AVL9: variants seen among roughly 807,000 people sequenced by gnomAD.
AVL9 encodes AVL9 cell migration associated.
A neutral mutation model predicts 79.2 loss-of-function variants in AVL9; 49 were observed. The ratio of observed to expected loss-of-function variants is 0.62; its 90% CI spans 0.49 to 0.79. AVL9 has a LOEUF of 0.79. Ranked by LOEUF, AVL9 falls within the 30% of genes least tolerant of loss-of-function variation. AVL9 has a pLI of 0.00. For synonymous variants in AVL9, 299 were observed against 280.6 expected (o/e 1.07, Z -0.65); for missense variants, 682 against 776.8 (o/e 0.88, Z 1.45).
intron 8 of AVL9, among the ~76,000 whole-genome samples, chr7:32,556,262 C>T (rs188274602): frequency 3.8e-4 from 58 of 152,274 alleles, no homozygotes; most frequent in South Asian, 6.2e-4. Flanking sequence ...CGCCTGTAAT[C>T]TCAGCACTTT....
intron 13 of AVL9, among the ~76,000 whole-genome samples, chr7:32,578,270 G>A (rs1201696204): frequency 6.6e-6 from 1 of 152,128 alleles, no homozygotes; most frequent in African/African-American, 2.4e-5. Flanking sequence ...CTTTAAAGGT[G>A]TCAGACACTC....
chr7:32,566,173 TA>T (rs983567330), intron 10 of AVL9, among the ~76,000 whole-genome samples: 10 of 70,894 alleles, frequency 1.4e-4, no homozygotes, highest in South Asian at 5.9e-4. Flanking sequence ...TTTTAATTAT[TA>T]TTATTATTTT....
chr7:32,525,574 C>T (rs537715691), intron 1 of AVL9, among the ~76,000 whole-genome samples: 1 of 152,016 alleles, frequency 6.6e-6, no homozygotes, highest in African/African-American at 2.4e-5. Flanking sequence ...TAGATTTCAC[C>T]CCTAACTTTT....
chr7:32,562,190 C>T (rs10807860), intron 10 of AVL9, among the ~76,000 whole-genome samples: 127,573 of 152,172 alleles, frequency 0.84, 53,531 homozygotes, highest in Middle Eastern at 0.88. Flanking sequence ...GTTTGCAGGG[C>T]TGCCATAAAC....
chr7:32,495,696 C>A lies in AVL9; in HGVS notation c.-14C>A. The stretch of plus-strand genomic sequence containing the variant: ...GGCGGTCGAAGTCGTCGTGCGGGCC[C>A]GCGGCGGCCGCCCATGGAGAAGGCC... On this transcript the variant is annotated 5_prime_UTR_variant, in exon 1 of 16. Coordinates refer to ENST00000318709, the MANE Select transcript of AVL9 (RefSeq NM_015060.3). 1.6e-6 allele frequency: 2 copies of A among 1,254,922 alleles called. No individual in the cohort carries two copies. Among genetic ancestry groups the A allele is most frequent in the Middle Eastern group, 2.4e-4 (1 of 4,192 alleles). The allele number at this position is 1,254,922 out of a possible 1,614,324, so 77.7% of individuals were successfully genotyped here.
intron 1 of AVL9, among the ~76,000 whole-genome samples, chr7:32,513,316 G>C (rs990603067): frequency 6.6e-6 from 1 of 152,108 alleles, no homozygotes; most frequent in Non-Finnish European, 1.5e-5. Context: ...GCCAGGTGGG[G>C]GTTGAACTTG....
intron 13 of AVL9, among the ~76,000 whole-genome samples, chr7:32,579,476 ATTATATATAATATATTACATATTATATAT>A (rs1219818197): frequency 0.072 from 746 of 10,326 alleles, 285 homozygotes; most frequent in East Asian, 0.16. Context: ...AATATATTAT[ATTATATATAATATATTACATATTATATAT>A]TATATATTAT....
chr7:32,521,184 TG>T (rs1201206684), intron 1 of AVL9, among the ~76,000 whole-genome samples: 1 of 151,754 alleles, frequency 6.6e-6, no homozygotes, highest in East Asian at 1.9e-4. Context: ...ACTGGTAGAG[TG>T]GGGCACTGCT....
At chr7:32,580,418 A>G in intron 14 of AVL9, 146 bp downstream of exon 14, 2 of 667,446 alleles carry the variant, frequency 3.0e-6, no homozygotes, top group South Asian at 3.8e-5. Flanking sequence ...TCTTTAGCTC[A>G]GCAGTGTGTA....
At chr7:32,569,797 T>G (rs1042525101) in intron 10 of AVL9, among the ~76,000 whole-genome samples, 1 of 152,220 alleles carries the variant, frequency 6.6e-6, no homozygotes, top group Non-Finnish European at 1.5e-5. Context: ...CTTGCCAAGA[T>G]TTGACCATTC....
chr7:32,569,140 A>G (rs1790712068), intron 10 of AVL9, among the ~76,000 whole-genome samples: 1 of 152,252 alleles, frequency 6.6e-6, no homozygotes, highest in Admixed American at 6.5e-5. Flanking sequence ...TCCAGATGAC[A>G]TAATTCTGTG....
chr7:32,495,707 C>G lies in AVL9; in HGVS notation c.-3C>G. ...TCGTCGTGCGGGCCCGCGGCGGCCG[C>G]CCATGGAGAAGGCCAGGAGAGGCGG... On this transcript the variant is annotated 5_prime_UTR_variant, in exon 1 of 16. Coordinates refer to ENST00000318709, the MANE Select transcript of AVL9 (RefSeq NM_015060.3). 8.0e-7 allele frequency: 1 copy of G among 1,256,616 alleles called. No individual in the cohort carries two copies. The highest frequency in any genetic ancestry group is 1.5e-5 in the African/African-American group (1 of 64,620). The allele number at this position is 1,256,616 out of a possible 1,614,324, so 77.8% of individuals were successfully genotyped here. A position where few individuals can be genotyped will look rare whatever the true frequency, so the allele number is the denominator to read the frequency against.
intron 1 of AVL9, among the ~76,000 whole-genome samples, chr7:32,516,021 C>A (rs544386157): frequency 6.6e-6 from 1 of 152,324 alleles, no homozygotes; most frequent in East Asian, 1.9e-4. Context: ...ATGACTCAAA[C>A]CCCTTAAAGA....
In AVL9 at chr7:32,575,966, ATAT is replaced by A. The variant is rs1332522027; in HGVS notation, c.1586_1588del (p.Leu529del). 2 of 1,608,712 alleles carry A rather than the reference ATAT, an allele frequency of 1.2e-6. No individual in the cohort carries two copies. The highest frequency in any genetic ancestry group is 1.7e-6 in the Non-Finnish European group (2 of 1,175,202). On this transcript the variant is annotated inframe_deletion, in exon 13 of 16. Transcript: ENST00000318709. ...CATTTACTTGACAGACAATGAAAAG[ATAT>A]TATCGGACTATGGGACAACTTTTGT...
chr7:32,584,088 G>T lies in AVL9; in HGVS notation c.*181G>T. ...AAATGATGAAATCACAGCCATAGCA[G>T]GGATGGCTTTCCAGGTTGGGGTTTC... On this transcript the variant is annotated 3_prime_UTR_variant, in exon 16 of 16. Transcript: ENST00000318709. 1 of 655,304 alleles carries T rather than the reference G, an allele frequency of 1.5e-6. No individual in the cohort carries two copies. Among genetic ancestry groups the T allele is most frequent in the Non-Finnish European group, 2.8e-6 (1 of 352,676 alleles). 40.6% of individuals were successfully genotyped at this position (655,304 alleles called of 1,614,324 possible). A position where few individuals can be genotyped will look rare whatever the true frequency, so the allele number is the denominator to read the frequency against.
rs1787857589 is a variant in AVL9 at position 32,515,252 on chromosome 7, T to C, written c.93+19450T>C. ...TAAATTGATTCAGACTTGTCTCAAATACTTTTTGGTTTACAAATTGGCAAC... is the reference window on the plus strand; with the variant it reads ...TAAATTGATTCAGACTTGTCTCAAACACTTTTTGGTTTACAAATTGGCAAC... On this transcript the variant is annotated intron_variant, in intron 1 of 15. Transcript: ENST00000318709. 2.0e-5 allele frequency among the ~76,000 whole-genome samples: 3 copies of C among 152,352 alleles called. No homozygotes were observed. The South Asian group carries it at 6.2e-4, about 32-fold the overall frequency.
At chr7:32,503,305 C>T (rs1787225946) in intron 1 of AVL9, among the ~76,000 whole-genome samples, 1 of 146,022 alleles carries the variant, frequency 6.8e-6, no homozygotes, top group Admixed American at 6.9e-5. Context: ...GTGAAACCCC[C>T]ATCTCTACTA....
intron 2 of AVL9, 52 bp from the exon 3 acceptor site, chr7:32,544,639 CTTA>C (rs1298289659): frequency 1.6e-6 from 2 of 1,226,840 alleles, no homozygotes; most frequent in East Asian, 2.4e-5. Flanking sequence ...GATTATACTA[CTTA>C]TTAATAAGGG....
At chr7:32,539,519 G>A (rs368385093) in intron 1 of AVL9, among the ~76,000 whole-genome samples, 90 of 152,208 alleles carry the variant, frequency 5.9e-4, no homozygotes, top group African/African-American at 2.1e-3. Flanking sequence ...CCAGTCTCCG[G>A]GAACATAACA....
Sources: allele counts gnomAD v4.1 joint callset (sites outside exome capture counted in the v4.1 genomes callset), GRCh38; gene constraint gnomAD v4.1.1; transcripts MANE v1.5; gene names NCBI Gene and HGNC (gene_info 2026-07-23, HGNC 2026-07-21).